KNTC1: variants seen among roughly 807,000 people sequenced by gnomAD.
The protein encoded by KNTC1 is kinetochore associated 1.
A neutral mutation model predicts 314.4 loss-of-function variants in KNTC1; 253 were observed. The ratio of observed to expected loss-of-function variants is 0.80; its 90% CI spans 0.73 to 0.89. KNTC1 has a LOEUF of 0.89. KNTC1 is among the 40% of genes least tolerant of loss of function. The pLI, the probability that KNTC1 is intolerant of heterozygous loss-of-function variation, is 0.00. For missense variants in KNTC1, 2,475 were observed against 2,572.9 expected, an observed-to-expected ratio of 0.96 and a Z score of 0.82; for synonymous variants, 901 against 901.4, an observed-to-expected ratio of 1.00 and a Z score of 0.01.
intron 44 of KNTC1, among the ~76,000 whole-genome samples, chr12:122,600,825 C>G (rs1265073196): frequency 6.6e-6 from 1 of 151,948 alleles, no homozygotes; most frequent in Non-Finnish European, 1.5e-5. Flanking sequence ...GCCACCACAC[C>G]CAGCTAATTT....
chr12:122,592,341 C>G (rs1870365177), intron 42 of KNTC1, among the ~76,000 whole-genome samples: 1 of 152,198 alleles, frequency 6.6e-6, no homozygotes, highest in Non-Finnish European at 1.5e-5. Context: ...CCGAGCCTCC[C>G]CGACAAATGC....
chr12:122,596,185 C>A (rs1264647749), intron 43 of KNTC1, among the ~76,000 whole-genome samples: 1 of 149,322 alleles, frequency 6.7e-6, no homozygotes, highest in Non-Finnish European at 1.5e-5. Flanking sequence ...TGGGCTCAAG[C>A]GATTCTCCTG....
At chr12:122,574,923 T>C (rs1031538467) in intron 27 of KNTC1, among the ~76,000 whole-genome samples, 3 of 152,214 alleles carry the variant, frequency 2.0e-5, no homozygotes, top group Admixed American at 2.0e-4. Context: ...CACACTGTTA[T>C]TGCCACTATA....
intron 63 of KNTC1, among the ~76,000 whole-genome samples, chr12:122,625,795 A>G (rs946860564): frequency 6.6e-6 from 1 of 152,156 alleles, no homozygotes; most frequent in African/African-American, 2.4e-5. Flanking sequence ...TAAAATTTTT[A>G]CTTTGATCAT....
rs1307713201 is a variant in KNTC1 at position 122,602,750 on chromosome 12, C to G, written c.4825+10C>G. The G allele has an allele frequency of 6.2e-7, 1 of 1,612,642 alleles. No homozygotes were observed. Among genetic ancestry groups the G allele is most frequent in the South Asian group, 1.1e-5 (1 of 90,716 alleles). On this transcript the variant is annotated intron_variant, in intron 46 of 63. Transcript: ENST00000333479. ...TTCTGGAAAATTCTCTGTATGTGTT[C>G]ATTAACTTTTTATGAATTTTACTGG...
chr12:122,556,986 G>C (rs941718648), intron 16 of KNTC1, among the ~76,000 whole-genome samples: 12 of 147,832 alleles, frequency 8.1e-5, no homozygotes, highest in African/African-American at 3.0e-4. Context: ...GAACTCCTGG[G>C]CTCAAATGGT....
intron 50 of KNTC1, 94 bp downstream of exon 50, chr12:122,605,181 AC>A (rs2138127284): frequency 8.7e-7 from 1 of 1,153,386 alleles, no homozygotes; most frequent in East Asian, 2.6e-5. Context: ...TATATTACTT[AC>A]ATATGCTTAT....
At chr12:122,567,138 A>G (rs1964402433) in intron 20 of KNTC1, among the ~76,000 whole-genome samples, 1 of 151,828 alleles carries the variant, frequency 6.6e-6, no homozygotes, top group African/African-American at 2.4e-5. Context: ...CAATGACATG[A>G]TCTCGGCTCA....
At chr12:122,605,197 G>A (rs1356737859) in intron 50 of KNTC1, 109 bp from the exon 51 acceptor site, 1 of 1,000,848 alleles carries the variant, frequency 1.0e-6, no homozygotes, top group Non-Finnish European at 1.5e-6. Flanking sequence ...GCTTATATAT[G>A]TATATACTTA....
intron 16 of KNTC1, among the ~76,000 whole-genome samples, chr12:122,554,302 A>T (rs1565949563): frequency 6.6e-6 from 1 of 151,532 alleles, no homozygotes; most frequent in Non-Finnish European, 1.5e-5. Context: ...GGCTGGTCTT[A>T]AACTCCTGAC....
chr12:122,530,440 T>C (rs1961220685), intron 2 of KNTC1, among the ~76,000 whole-genome samples: 1 of 151,990 alleles, frequency 6.6e-6, no homozygotes, highest in African/African-American at 2.4e-5. Context: ...TGTAAGTTGA[T>C]ACAAAGGATA....
chr12:122,580,954 G>T (rs1339899709), intron 33 of KNTC1, among the ~76,000 whole-genome samples: 1 of 151,860 alleles, frequency 6.6e-6, no homozygotes, highest in Admixed American at 6.6e-5. Flanking sequence ...CTTGAACCCG[G>T]GAGGCGGAGG....
intron 6 of KNTC1, among the ~76,000 whole-genome samples, chr12:122,543,087 A>G (rs1472208184): frequency 6.6e-6 from 1 of 151,632 alleles, no homozygotes. Context: ...TAATTTTTGT[A>G]TTTTTACTAG....
In KNTC1 at chr12:122,530,118, A is replaced by C; in HGVS notation, c.55A>C (p.Ser19Arg). Reference sequence around the variant, plus strand: ...TGATGATACCGGAAGTGGGTACCTGAGTGTCGGTTCAAGAAAAGAACATGG... The same window carrying C: ...TGATGATACCGGAAGTGGGTACCTGCGTGTCGGTTCAAGAAAAGAACATGG... ...TNDDTGSGYL[S>R]VGSRKEHGTA... is the part of the protein sequence containing the mutation. The change falls in exon 2 of 64, where the codon AGT (serine) becomes CGT (arginine). Residue 19 changes from serine to arginine, a missense_variant. Transcript: ENST00000333479. 2 of 1,613,756 alleles carry C rather than the reference A, an allele frequency of 1.2e-6. No homozygotes were observed. Among genetic ancestry groups the C allele is most frequent in the Non-Finnish European group, 1.7e-6 (2 of 1,179,698 alleles).
At chr12:122,547,760 CA>C (rs1332675321) in intron 11 of KNTC1, among the ~76,000 whole-genome samples, 154 bp from the exon 12 acceptor site, 1 of 152,208 alleles carries the variant, frequency 6.6e-6, no homozygotes, top group African/African-American at 2.4e-5. Flanking sequence ...AAATGGAATA[CA>C]GTGTCTATTA....
chr12:122,565,424 T>C (rs1390849078), intron 20 of KNTC1, among the ~76,000 whole-genome samples: 1 of 151,700 alleles, frequency 6.6e-6, no homozygotes, highest in Non-Finnish European at 1.5e-5. Context: ...CTGGACCGAG[T>C]TGTTCTTTTC....
intron 18 of KNTC1, 123 bp downstream of exon 18, chr12:122,557,812 T>C (rs1963702298): frequency 1.5e-6 from 1 of 660,030 alleles, no homozygotes. Flanking sequence ...AATAAAAAAG[T>C]TTTTATAATA....
At position 122,585,419 on chromosome 12, in the gene KNTC1, A is replaced by C. The variant is rs192613641; in HGVS notation, c.3535-217A>C. Reference sequence around the variant, plus strand: ...TTTTCTTACCCTAGACCGGAAAACAACGTAAGGGCATGAGGCCACTTCTCT... The same window carrying C: ...TTTTCTTACCCTAGACCGGAAAACACCGTAAGGGCATGAGGCCACTTCTCT... On this transcript the variant is annotated intron_variant, in intron 36 of 63. Coordinates refer to ENST00000333479, the MANE Select transcript of KNTC1 (RefSeq NM_014708.6). Among the ~76,000 whole-genome samples, 76 of 152,324 alleles carry C rather than the reference A, an allele frequency of 5.0e-4. 1 individual carries two copies. In the South Asian group the frequency reaches 7.3e-3, roughly 15 times the overall value.
chr12:122,619,468 A>G (rs1287776414), intron 59 of KNTC1, among the ~76,000 whole-genome samples: 1 of 151,878 alleles, frequency 6.6e-6, no homozygotes, highest in Non-Finnish European at 1.5e-5. Context: ...GCTGGAGTGC[A>G]GTGGCGCCAT....
Sources: gnomAD v4.1 joint callset for allele counts (sites outside exome capture counted in the v4.1 genomes callset) on GRCh38, gnomAD v4.1.1 for gene constraint, MANE v1.5 for transcripts, NCBI Gene and HGNC (gene_info 2026-07-23, HGNC 2026-07-21) for gene names.